The following FBXO10 variants were observed in gnomAD, a reference collection of about 807,000 sequenced individuals.
FBXO10 encodes F-box protein 10.
Under a neutral mutation model 80.7 loss-of-function variants are expected in FBXO10, and 39 were observed. That is an observed-to-expected ratio of 0.48 (90% confidence interval 0.37 to 0.63). The LOEUF is 0.63. FBXO10 is among the 30% of genes least tolerant of loss of function. The probability of loss-of-function intolerance (pLI) is 0.00; values close to 1 mark genes in which losing one functional copy is unlikely to be tolerated. For missense variants in FBXO10, 1,025 were observed against 1,269.0 expected, an observed-to-expected ratio of 0.81 and a Z score of 2.92; for synonymous variants, 449 against 489.6, an observed-to-expected ratio of 0.92 and a Z score of 1.09.
At position 37,567,881 on chromosome 9, in the gene FBXO10, C is replaced by T. The variant is rs142952460; in HGVS notation, c.-7+8330G>A. Among the ~76,000 whole-genome samples, 22 of 152,276 alleles carry T rather than the reference C, an allele frequency of 1.4e-4. No homozygotes were observed. In the East Asian group the frequency reaches 3.9e-3, roughly 27 times the overall value. ...CTCTTCTGCGTCCTCAGGGGAACCC[C>T]GCTTCTACTCTATTTAGTCCTGCTG... On this transcript the variant is annotated intron_variant, in intron 1 of 10. Transcript: ENST00000432825.
At chr9:37,535,372 G>A (rs867908224) in intron 3 of FBXO10, among the ~76,000 whole-genome samples, 92 of 126,634 alleles carry the variant, frequency 7.3e-4, no homozygotes, top group Middle Eastern at 8.0e-3. Flanking sequence ...TTTTGGAGAC[G>A]GAGTCTTGCT....
intron 10 of FBXO10, 162 bp downstream of exon 10, chr9:37,515,742 G>A (rs752221664): frequency 5.6e-6 from 4 of 716,166 alleles, no homozygotes; most frequent in African/African-American, 1.8e-5. Context: ...CCTCAGCCCG[G>A]GCCTGACATA....
At chr9:37,531,476 C>T (rs1308237049) in intron 4 of FBXO10, among the ~76,000 whole-genome samples, 1 of 152,134 alleles carries the variant, frequency 6.6e-6, no homozygotes, top group Non-Finnish European at 1.5e-5. Flanking sequence ...TCACAATAAC[C>T]ACGAAACAAT....
chr9:37,540,849 C>T (rs555735840), intron 2 of FBXO10, among the ~76,000 whole-genome samples: 8 of 152,306 alleles, frequency 5.3e-5, no homozygotes, highest in African/African-American at 1.7e-4. Context: ...TCTCTGCTTC[C>T]TGTCACCAAG....
rs80224635 is a variant in FBXO10, at chr9:37,558,616, G to C, written c.-6-16842C>G. ...CATCCAATATGCAGCACAAAGTACA[G>C]GCTTAATAACAGTGTTTTTAAGTAA... On this transcript the variant is annotated intron_variant, in intron 1 of 10. Coordinates refer to ENST00000432825, the MANE Select transcript of FBXO10 (RefSeq NM_012166.3). 6.3e-3 allele frequency among the ~76,000 whole-genome samples: 966 copies of C among 152,176 alleles called. 12 individuals are homozygous for C. The highest frequency in any genetic ancestry group is 0.022 in the African/African-American group (926 of 41,512).
chr9:37,549,218 A>G (rs1008468803), intron 1 of FBXO10, among the ~76,000 whole-genome samples: 1 of 152,004 alleles, frequency 6.6e-6, no homozygotes, highest in Non-Finnish European at 1.5e-5. Context: ...TCCCAATAAT[A>G]ACCTTTCAGA....
intron 2 of FBXO10, among the ~76,000 whole-genome samples, chr9:37,538,334 G>A (rs752222520): frequency 1.3e-5 from 2 of 152,200 alleles, no homozygotes; most frequent in African/African-American, 4.8e-5. Flanking sequence ...ACTGATGCAC[G>A]TGGTGCACAG....
intron 2 of FBXO10, among the ~76,000 whole-genome samples, chr9:37,540,094 C>CTAA (rs1821872092): frequency 6.6e-6 from 1 of 152,084 alleles, no homozygotes. Context: ...GGCATGCACA[C>CTAA]ACTACATCTG....
rs192829435 is a variant in FBXO10, at chr9:37,558,117, G to A, written c.-6-16343C>T. ...TCTTTCAGGGAGCACCATATACTGC[G>A]CACTTTCTGAGATGCTTTATCCATG... On this transcript the variant is annotated intron_variant, in intron 1 of 10. Transcript: ENST00000432825. 2.4e-4 allele frequency among the ~76,000 whole-genome samples: 37 copies of A among 152,266 alleles called. No homozygotes were observed. In the East Asian group the frequency reaches 4.2e-3, roughly 17 times the overall value.
intron 2 of FBXO10, among the ~76,000 whole-genome samples, 192 bp from the exon 3 acceptor site, chr9:37,538,135 A>T (rs2119117007): frequency 6.6e-6 from 1 of 152,202 alleles, no homozygotes; most frequent in Non-Finnish European, 1.5e-5. Flanking sequence ...GAGGGAGGGA[A>T]ACTGGAGCTG....
At chr9:37,520,253 G>A (rs934714437) in intron 8 of FBXO10, among the ~76,000 whole-genome samples, 3 of 134,434 alleles carry the variant, frequency 2.2e-5, no homozygotes, top group Admixed American at 7.9e-5. Flanking sequence ...CCTGGAGTTA[G>A]GTGAACTACA....
intron 5 of FBXO10, among the ~76,000 whole-genome samples, chr9:37,525,576 G>A (rs1821450287): frequency 6.6e-6 from 1 of 150,792 alleles, no homozygotes; most frequent in African/African-American, 2.4e-5. Context: ...TTTTTTTGAG[G>A]TCTTGCTCTG....
chr9:37,552,310 A>ACTC (rs1822215938), intron 1 of FBXO10, among the ~76,000 whole-genome samples: 1 of 151,804 alleles, frequency 6.6e-6, no homozygotes, highest in Non-Finnish European at 1.5e-5. Context: ...GCAACACCCC[A>ACTC]CTCCTCCAGT....
At chr9:37,563,778 A>C (rs1196272425) in intron 1 of FBXO10, among the ~76,000 whole-genome samples, 2 of 152,224 alleles carry the variant, frequency 1.3e-5, no homozygotes, top group Non-Finnish European at 2.9e-5. Context: ...GCAGAGCATA[A>C]AAGTTTGGAA....
chr9:37,533,994 A>G (rs1821692352), intron 3 of FBXO10, among the ~76,000 whole-genome samples: 1 of 152,114 alleles, frequency 6.6e-6, no homozygotes, highest in African/African-American at 2.4e-5. Context: ...GAAGTGTGGG[A>G]GGATGTGTGC....
At chr9:37,568,194 A>AATT (rs947788228) in intron 1 of FBXO10, among the ~76,000 whole-genome samples, 31 of 151,878 alleles carry the variant, frequency 2.0e-4, no homozygotes, top group African/African-American at 6.3e-4. Context: ...TTCTCAAGTA[A>AATT]ATTATTATTA....
At chr9:37,544,252 G>C (rs1241744097) in intron 1 of FBXO10, among the ~76,000 whole-genome samples, 1 of 152,168 alleles carries the variant, frequency 6.6e-6, no homozygotes, top group Non-Finnish European at 1.5e-5. Flanking sequence ...CTGGGCAACA[G>C]AGCGGGACTC....
At chr9:37,544,467 C>A (rs942495209) in intron 1 of FBXO10, among the ~76,000 whole-genome samples, 1 of 152,116 alleles carries the variant, frequency 6.6e-6, no homozygotes, top group Non-Finnish European at 1.5e-5. Flanking sequence ...AACAACTGAC[C>A]TTCATCAAAT....
intron 2 of FBXO10, among the ~76,000 whole-genome samples, chr9:37,539,844 T>C (rs1320680639): frequency 1.3e-5 from 2 of 152,202 alleles, no homozygotes; most frequent in South Asian, 2.1e-4. Context: ...TAGCCCTCAT[T>C]TGCAAAATAG....
Sources: gnomAD v4.1 joint callset for allele counts (sites outside exome capture counted in the v4.1 genomes callset) on GRCh38, gnomAD v4.1.1 for gene constraint, MANE v1.5 for transcripts, NCBI Gene and HGNC (gene_info 2026-07-23, HGNC 2026-07-21) for gene names.